C11orf91: variants seen among roughly 807,000 people sequenced by gnomAD.
The protein encoded by C11orf91 is chromosome 11 open reading frame 91, also known as uncharacterized protein C11orf91.
C11orf91 carries 10 observed loss-of-function variants against 14.3 expected under a neutral mutation model. The ratio of observed to expected loss-of-function variants is 0.70; its 90% CI spans 0.43 to 1.18. The LOEUF is 1.18. C11orf91 is among the 50% of genes most tolerant of loss of function. The pLI is 0.00. For missense variants in C11orf91, 236 were observed against 269.0 expected (o/e 0.88, Z 0.86); for synonymous variants, 141 against 130.6 (o/e 1.08, Z -0.54).
rs377616236 is a variant in C11orf91 at position 33,699,615 on chromosome 11, CTAAGACTTCAGACG to C, written c.496+616_496+629del. On this transcript the variant is annotated intron_variant, in intron 1 of 1. Transcript: ENST00000379011. ...GCATCAGCACACGTGGTCCAGAGCC[CTAAGACTTCAGACG>C]TAAGACCAGATATCAGCCCAGGATC... 162 of 456,306 alleles carry C rather than the reference CTAAGACTTCAGACG, an allele frequency of 3.6e-4. 1 individual carries two copies. Among genetic ancestry groups the C allele is most frequent in the African/African-American group, 2.8e-3 (141 of 50,194 alleles). 28.3% of individuals were successfully genotyped at this position (456,306 alleles called of 1,614,324 possible). A position where few individuals can be genotyped will look rare whatever the true frequency, so the allele number is the denominator to read the frequency against.
At position 33,700,649 on chromosome 11, in the gene C11orf91, A is replaced by G. The variant is rs940422019; in HGVS notation, c.92T>C (p.Ile31Thr). The G allele has an allele frequency of 2.0e-6, 3 of 1,471,546 alleles. No homozygotes were observed. Among genetic ancestry groups the G allele is most frequent in the Admixed American group, 2.3e-5 (1 of 43,682 alleles). The allele number at this position is 1,471,546 out of a possible 1,614,324, so 91.2% of individuals were successfully genotyped here. ...LYFPSLYDRG[I>T]SSSPLSDFNI... ...GAAGTCGCTGAGCGGGGACGAGGAG[A>G]TGCCGCGGTCGTACAGGGACGGGAA... Residue 31 changes from isoleucine to threonine, a missense_variant, in exon 1 of 2, where the codon ATC becomes ACC. Coordinates refer to ENST00000379011, the MANE Select transcript of C11orf91 (RefSeq NM_001166692.2).
At chr11:33,705,244 T>C (rs1178762739), upstream of C11orf91, 1 of 152,158 alleles carries the variant, frequency 6.6e-6, no homozygotes, top group Non-Finnish European at 1.5e-5. Flanking sequence ...GTAACACTTA[T>C]AGGGTAGGTC....
In C11orf91 at chr11:33,700,112, G is replaced by A. The variant is rs1327487804; in HGVS notation, c.496+133C>T. On this transcript the variant is annotated intron_variant, in intron 1 of 1. Coordinates refer to ENST00000379011, the MANE Select transcript of C11orf91 (RefSeq NM_001166692.2). ...CAGGATAAGGGAGTCTGGGTGCTAG[G>A]GGATAGATTTTGGATCTGGGACTAC... 4 of 938,900 alleles carry A rather than the reference G, an allele frequency of 4.3e-6. No homozygotes were observed. The African/African-American group carries it at 6.8e-5, about 16-fold the overall frequency. The allele number at this position is 938,900 out of a possible 1,614,324, so 58.2% of individuals were successfully genotyped here.
chr11:33,698,871 C>G (rs1017849339), intron 1 of C11orf91, among the ~76,000 whole-genome samples: 10 of 149,522 alleles, frequency 6.7e-5, no homozygotes, highest in African/African-American at 2.5e-4. Context: ...ACCTCGGCCT[C>G]CTGGGTTCAA....
intron 1 of C11orf91, 98 bp downstream of exon 1, chr11:33,700,147 G>A (rs1853096195): frequency 7.6e-7 from 1 of 1,322,248 alleles, no homozygotes; most frequent in Non-Finnish European, 1.0e-6. Context: ...CTGGGGGCTG[G>A]AGTCAAACCA....
At chr11:33,699,644 A>G (rs1225717044) in intron 1 of C11orf91, 1 of 456,330 alleles carries the variant, frequency 2.2e-6, no homozygotes, top group Admixed American at 2.3e-5. Flanking sequence ...ACCAGATATC[A>G]GCCCAGGATC....
At chr11:33,703,811 C>A (rs376030631), upstream of C11orf91, 5 of 152,386 alleles carry the variant, frequency 3.3e-5, no homozygotes, top group African/African-American at 1.2e-4. Context: ...AAGGGTCACA[C>A]TGAAGAAATG....
At chr11:33,705,474 G>A (rs1436905103), upstream of C11orf91, 1 of 152,214 alleles carries the variant, frequency 6.6e-6, no homozygotes, top group Non-Finnish European at 1.5e-5. Flanking sequence ...TGAGTCTTCT[G>A]GCTTTCTTCC....
In C11orf91 at chr11:33,698,774, A is replaced by T. The variant is rs1292009946; in HGVS notation, c.497-260T>A. On this transcript the variant is annotated intron_variant, in intron 1 of 1. Coordinates refer to ENST00000379011, the MANE Select transcript of C11orf91 (RefSeq NM_001166692.2). ...AAGTCCTGGATTTCTTCTTCTTCTAATTTTTTTTTTTTTTTTTTTTTTTTG... is the reference window on the plus strand; with the variant it reads ...AAGTCCTGGATTTCTTCTTCTTCTATTTTTTTTTTTTTTTTTTTTTTTTTG... Among the ~76,000 whole-genome samples the T allele has an allele frequency of 4.8e-5, 5 of 104,606 alleles. No individual in the cohort carries two copies. The South Asian group carries it at 9.1e-4, about 19-fold the overall frequency. The allele number at this position is 104,606 out of a possible 152,430, so 68.6% of individuals were successfully genotyped here. A position where few individuals can be genotyped will look rare whatever the true frequency, so the allele number is the denominator to read the frequency against.
At chr11:33,699,053 G>C (rs113886502) in intron 1 of C11orf91, among the ~76,000 whole-genome samples, 5 of 151,888 alleles carry the variant, frequency 3.3e-5, no homozygotes, top group African/African-American at 1.2e-4. Flanking sequence ...ACCCGCATTG[G>C]CCCCCCCAAA....
chr11:33,699,459 G>C, intron 1 of C11orf91: 3 of 431,556 alleles, frequency 7.0e-6, no homozygotes, highest in South Asian at 4.9e-5. Context: ...GAAAGACAAA[G>C]TCTGCAGGAC....
At chr11:33,701,078 T>C (rs1288579674), upstream of C11orf91, among the ~76,000 whole-genome samples, 1 of 152,128 alleles carries the variant, frequency 6.6e-6, no homozygotes, top group Admixed American at 6.5e-5. Flanking sequence ...CATACCCTCA[T>C]CCAGAACAGG....
chr11:33,698,645 G>T (rs1853065683), intron 1 of C11orf91, 131 bp from the exon 2 acceptor site: 1 of 643,586 alleles, frequency 1.6e-6, no homozygotes, highest in Non-Finnish European at 2.7e-6. Context: ...AGATGGGAGA[G>T]AAAAAAACAA....
intron 1 of C11orf91, chr11:33,699,594 C>T (rs920510332): frequency 1.5e-5 from 7 of 456,202 alleles, no homozygotes; most frequent in African/African-American, 6.0e-5. Flanking sequence ...CTGCCCGCAT[C>T]AGCACACGTG....
chr11:33,700,119 A>AT, intron 1 of C11orf91, 126 bp downstream of exon 1: 1 of 1,046,322 alleles, frequency 9.6e-7, no homozygotes, highest in South Asian at 1.6e-5. Flanking sequence ...TAGGGGATAG[A>AT]TTTTGGATCT....
chr11:33,698,755 T>C (rs949261899), intron 1 of C11orf91, among the ~76,000 whole-genome samples: 1 of 150,920 alleles, frequency 6.6e-6, no homozygotes, highest in Non-Finnish European at 1.5e-5. Context: ...TGCTAAGTCC[T>C]GGATTTCTTC....
chr11:33,701,720 T>C (rs1174176496), upstream of C11orf91, among the ~76,000 whole-genome samples: 3 of 150,846 alleles, frequency 2.0e-5, no homozygotes, highest in Non-Finnish European at 4.4e-5. Flanking sequence ...AAGTTAAATA[T>C]ATATATGCAT....
upstream of C11orf91, among the ~76,000 whole-genome samples, chr11:33,701,716 A>AAT (rs148665388): frequency 0.11 from 15,919 of 150,864 alleles, 1,125 homozygotes; most frequent in East Asian, 0.22. Flanking sequence ...TCACAAGTTA[A>AAT]ATATATATAT....
chr11:33,700,870 C>A (rs991691696), upstream of C11orf91: 1 of 907,826 alleles, frequency 1.1e-6, no homozygotes, highest in Non-Finnish European at 1.4e-6. Context: ...TTCGCCTCAG[C>A]CCGGCCCCTA....
Sources: gnomAD v4.1 joint callset for allele counts (sites outside exome capture counted in the v4.1 genomes callset) on GRCh38, gnomAD v4.1.1 for gene constraint, MANE v1.5 for transcripts, NCBI Gene and HGNC (gene_info 2026-07-23, HGNC 2026-07-21) for gene names.